The following ANK3 variants were observed in gnomAD, a reference collection of about 807,000 sequenced individuals.
The protein encoded by ANK3 is ankyrin 3.
ANK3 carries 57 observed loss-of-function variants against 370.9 expected under a neutral mutation model. The ratio of observed to expected loss-of-function variants is 0.15; its 90% confidence interval spans 0.12 to 0.19. ANK3 has a LOEUF of 0.19. ANK3 is among the 10% of genes least tolerant of loss of function. The probability of loss-of-function intolerance (pLI) is 1.00; values close to 1 mark genes in which losing one functional copy is unlikely to be tolerated. For synonymous variants in ANK3, 1,929 were observed against 1,946.3 expected (o/e 0.99, Z 0.23); for missense variants, 4,439 against 5,302.1 (o/e 0.84, Z 5.06).
chr10:60,701,320 G>A (rs950239986), intron 1 of ANK3, among the ~76,000 whole-genome samples: 1 of 151,900 alleles, frequency 6.6e-6, no homozygotes, highest in Non-Finnish European at 1.5e-5. Flanking sequence ...CAATGAAAGG[G>A]AATTTGGCAA....
chr10:60,478,870 AG>A (rs1490389119), intron 2 of ANK3, among the ~76,000 whole-genome samples: 1 of 152,092 alleles, frequency 6.6e-6, no homozygotes, highest in African/African-American at 2.4e-5. Context: ...AATAACCATA[AG>A]GGTTATTATG....
chr10:60,559,340 A>G (rs889308452), intron 2 of ANK3, among the ~76,000 whole-genome samples: 2 of 152,004 alleles, frequency 1.3e-5, no homozygotes, highest in Admixed American at 1.3e-4. Flanking sequence ...CTTAACTTCC[A>G]CTTATGAGTG....
chr10:60,591,855 T>C (rs1332267604), intron 2 of ANK3, among the ~76,000 whole-genome samples: 2 of 152,072 alleles, frequency 1.3e-5, no homozygotes, highest in African/African-American at 2.4e-5. Context: ...TCTCACTAAG[T>C]TGTGTGATCT....
intron 1 of ANK3, among the ~76,000 whole-genome samples, chr10:60,337,119 G>A (rs1331142137): frequency 6.6e-6 from 1 of 152,116 alleles, no homozygotes; most frequent in Non-Finnish European, 1.5e-5. Context: ...TGGGCAGTGT[G>A]GGGACACTAA....
At chr10:60,410,383 G>A (rs190350059) in intron 2 of ANK3, among the ~76,000 whole-genome samples, 6 of 152,270 alleles carry the variant, frequency 3.9e-5, no homozygotes, top group East Asian at 3.9e-4. Flanking sequence ...AAGGGGCAAC[G>A]TCTGTTTTTC....
At chr10:60,535,707 T>TG (rs540713769) in intron 2 of ANK3, among the ~76,000 whole-genome samples, 1 of 151,988 alleles carries the variant, frequency 6.6e-6, no homozygotes, top group South Asian at 2.1e-4. Flanking sequence ...GTTCTGGGGT[T>TG]GGGGGAAGAA....
chr10:60,454,986 G>A (rs577010003), intron 2 of ANK3, among the ~76,000 whole-genome samples: 11 of 152,128 alleles, frequency 7.2e-5, no homozygotes, highest in Non-Finnish European at 1.3e-4. Context: ...GTGGCAATAA[G>A]TAAATAAGTA....
chr10:60,373,417 G>A (rs2060360579), intron 1 of ANK3, among the ~76,000 whole-genome samples: 1 of 152,110 alleles, frequency 6.6e-6, no homozygotes, highest in South Asian at 2.1e-4. Context: ...GCAAGAATTG[G>A]GTCCTGGGTG....
At chr10:60,232,207 C>T (rs1269049012) in intron 8 of ANK3, among the ~76,000 whole-genome samples, 1 of 152,140 alleles carries the variant, frequency 6.6e-6, no homozygotes, top group Non-Finnish European at 1.5e-5. Context: ...TTTTGCTGTT[C>T]TGTTGATTGA....
intron 2 of ANK3, among the ~76,000 whole-genome samples, chr10:60,422,224 C>G (rs1046358471): frequency 3.3e-5 from 5 of 152,172 alleles, no homozygotes; most frequent in African/African-American, 1.2e-4. Context: ...GACTTAGAGC[C>G]ACAGATTACT....
Position 60,655,577 on chromosome 10 carries a change from T to A in ANK3, c.58-40353A>T, listed in dbSNP as rs373407908. Among the ~76,000 whole-genome samples, 17 of 152,116 alleles carry A rather than the reference T, an allele frequency of 1.1e-4. 1 individual carries two copies. The East Asian group carries it at 1.9e-3, about 17-fold the overall frequency. ...AAGTGTTATAAAAACATCAAAAATT[T>A]TTTTAAAATTAAAAAGTTTATAAAG... On this transcript the variant is annotated intron_variant, in intron 1 of 43. Coordinates refer to the ANK3 transcript ENST00000373827.
chr10:60,724,185 G>C (rs1194430015), intron 1 of ANK3, among the ~76,000 whole-genome samples: 1 of 135,984 alleles, frequency 7.4e-6, no homozygotes. Flanking sequence ...ACTCCAGCCT[G>C]GGCGACAGAG....
At chr10:60,314,691 A>T (rs2047048755) in intron 1 of ANK3, among the ~76,000 whole-genome samples, 1 of 152,180 alleles carries the variant, frequency 6.6e-6, no homozygotes, top group East Asian at 1.9e-4. Flanking sequence ...GTAGACCCTG[A>T]TGAGTGAAGG....
chr10:60,715,902 T>C (rs868469411), intron 1 of ANK3, among the ~76,000 whole-genome samples: 1 of 152,184 alleles, frequency 6.6e-6, no homozygotes, highest in Non-Finnish European at 1.5e-5. Flanking sequence ...TTAACAAGAC[T>C]CTTCTTCAAG....
At position 60,670,164 on chromosome 10, in the gene ANK3, A is replaced by C. The variant is rs78686414; in HGVS notation, c.58-54940T>G. Among the ~76,000 whole-genome samples the C allele has an allele frequency of 3.4e-3, 512 of 152,142 alleles. 5 individuals carry two copies. Among genetic ancestry groups the C allele is most frequent in the African/African-American group, 0.011 (477 of 41,506 alleles). Reference sequence around the variant, plus strand: ...TATCCCATGGCTGCAAATACAATGAATATACTCTGACCTCCCCCCAAACAA... The same window carrying C: ...TATCCCATGGCTGCAAATACAATGACTATACTCTGACCTCCCCCCAAACAA... On this transcript the variant is annotated intron_variant, in intron 1 of 43. Coordinates refer to the ANK3 transcript ENST00000373827.
intron 31 of ANK3, 85 bp downstream of exon 31, chr10:60,085,072 T>C: frequency 9.1e-7 from 1 of 1,095,900 alleles, no homozygotes; most frequent in Non-Finnish European, 1.3e-6. Context: ...CAATTTTTTT[T>C]AGTATTGAAC....
chr10:60,304,100 G>C (rs528734871), intron 1 of ANK3, among the ~76,000 whole-genome samples: 1 of 151,994 alleles, frequency 6.6e-6, no homozygotes, highest in Non-Finnish European at 1.5e-5. Flanking sequence ...GCTAGGAGTA[G>C]AAGAGAAAAT....
intron 2 of ANK3, among the ~76,000 whole-genome samples, chr10:60,596,385 A>T (rs576172632): frequency 7.2e-5 from 11 of 152,198 alleles, no homozygotes; most frequent in Non-Finnish European, 1.3e-4. Context: ...CATTAATAAG[A>T]ACAATATTTT....
At chr10:60,349,688 G>A (rs2056465310) in intron 1 of ANK3, among the ~76,000 whole-genome samples, 1 of 152,156 alleles carries the variant, frequency 6.6e-6, no homozygotes. Flanking sequence ...CAAAGAAACA[G>A]AGGAGAGGAT....
Sources: allele counts gnomAD v4.1 joint callset (sites outside exome capture counted in the v4.1 genomes callset), GRCh38; gene constraint gnomAD v4.1.1; transcripts MANE v1.5; gene names NCBI Gene and HGNC (gene_info 2026-07-23, HGNC 2026-07-21).